Variants in APP observed in about 807,000 individuals in gnomAD.
APP encodes the protein amyloid beta precursor protein, also known as amyloid-beta precursor protein.
In APP, 31 loss-of-function variants were observed where a neutral mutation model predicts 101.4. The observed-to-expected ratio is 0.31, with a 90% CI of 0.23 to 0.41. The LOEUF is 0.41. Among genes scored for constraint, APP ranks in the 10% least tolerant of loss-of-function variants. The pLI is 1.00. For missense variants in APP, 839 were observed against 1,003.7 expected (o/e 0.84, Z 2.22); for synonymous variants, 366 against 364.4 (o/e 1.00, Z -0.05).
intron 13 of APP, among the ~76,000 whole-genome samples, chr21:25,952,536 T>TA (rs2041135153): frequency 6.6e-6 from 1 of 152,234 alleles, no homozygotes; most frequent in Non-Finnish European, 1.5e-5. Flanking sequence ...GAAGTGTGAC[T>TA]AATTAGTGGC....
chr21:26,076,083 G>A (rs989438667), intron 3 of APP, among the ~76,000 whole-genome samples: 10 of 151,970 alleles, frequency 6.6e-5, no homozygotes, highest in African/African-American at 1.5e-4. Flanking sequence ...TAGTAGAGAC[G>A]GGGTTTCACT....
chr21:26,050,827 A>C (rs764659470), intron 5 of APP, among the ~76,000 whole-genome samples, 173 bp downstream of exon 5: 3 of 152,200 alleles, frequency 2.0e-5, no homozygotes, highest in Non-Finnish European at 4.4e-5. Flanking sequence ...GATATTATTA[A>C]TTCAACAGGA....
At chr21:26,138,193 G>T (rs907787792) in intron 1 of APP, among the ~76,000 whole-genome samples, 11 of 152,120 alleles carry the variant, frequency 7.2e-5, no homozygotes, top group African/African-American at 2.2e-4. Flanking sequence ...ATTTTAAAAT[G>T]CTTCAGAAAA....
chr21:26,074,300 C>T (rs1301349157), intron 3 of APP, among the ~76,000 whole-genome samples: 1 of 152,104 alleles, frequency 6.6e-6, no homozygotes, highest in East Asian at 1.9e-4. Context: ...ACTGAAACGC[C>T]ACATTCATGT....
In APP at chr21:26,102,213, C is replaced by CA. The variant is rs545510347; in HGVS notation, c.225+9765dup. Among the ~76,000 whole-genome samples, 177 of 151,464 alleles carry CA rather than the reference C, an allele frequency of 1.2e-3. 1 individual carries two copies. Among genetic ancestry groups the CA allele is most frequent in the African/African-American group, 4.0e-3 (166 of 41,282 alleles). ...ACGCCATTCTCCTGCCTCAGCCTCC[C>CA]AAGTAGCTGGGACTACAGGTGCCCA... On this transcript the variant is annotated intron_variant, in intron 2 of 17. Transcript: ENST00000346798.
At chr21:25,917,415 TTG>T (rs1193686529) in intron 13 of APP, among the ~76,000 whole-genome samples, 1 of 152,160 alleles carries the variant, frequency 6.6e-6, no homozygotes, top group African/African-American at 2.4e-5. Flanking sequence ...GCTAAATATT[TTG>T]TTTTTTCTTA....
chr21:26,118,630 G>A (rs920040126), intron 1 of APP, among the ~76,000 whole-genome samples: 3 of 152,076 alleles, frequency 2.0e-5, no homozygotes, highest in African/African-American at 7.2e-5. Flanking sequence ...TCGGCTCACC[G>A]CAACCTCTGC....
chr21:25,927,760 A>G (rs1199593967), intron 13 of APP, among the ~76,000 whole-genome samples: 1 of 152,202 alleles, frequency 6.6e-6, no homozygotes, highest in African/African-American at 2.4e-5. Flanking sequence ...TTTTCCTGAA[A>G]TATCACTTGT....
At chr21:26,062,786 A>C (rs761045300) in intron 3 of APP, among the ~76,000 whole-genome samples, 1 of 152,024 alleles carries the variant, frequency 6.6e-6, no homozygotes, top group Non-Finnish European at 1.5e-5. Context: ...TTTTTAAGAA[A>C]GAGTCTTACT....
chr21:26,129,566 C>G (rs1348506734), intron 1 of APP, among the ~76,000 whole-genome samples: 2 of 151,962 alleles, frequency 1.3e-5, no homozygotes, highest in South Asian at 4.1e-4. Context: ...TTTCACTTAG[C>G]GATATAAACG....
chr21:25,953,273 C>T (rs552466203), intron 13 of APP, among the ~76,000 whole-genome samples: 11 of 152,276 alleles, frequency 7.2e-5, no homozygotes, highest in African/African-American at 1.2e-4. Flanking sequence ...TTTCAGATTC[C>T]GTCCATTAAT....
intron 1 of APP, among the ~76,000 whole-genome samples, chr21:26,169,666 A>T (rs968925724): frequency 1.3e-5 from 2 of 152,230 alleles, no homozygotes; most frequent in Non-Finnish European, 2.9e-5. Context: ...GCGGACGCGC[A>T]GCCCCGGGAA....
At chr21:25,969,949 AGAAG>A (rs1162957485) in intron 11 of APP, among the ~76,000 whole-genome samples, 2,442 of 38,314 alleles carry the variant, frequency 0.064, 90 homozygotes, top group African/African-American at 0.22. Context: ...AAGGAAGGGA[AGAAG>A]GAAGGAGGGA....
intron 8 of APP, among the ~76,000 whole-genome samples, chr21:25,994,053 A>C (rs766692420): frequency 1.1e-4 from 16 of 152,204 alleles, no homozygotes; most frequent in Non-Finnish European, 1.8e-4. Flanking sequence ...AATTGGCATG[A>C]TGCTCTTTGA....
chr21:25,885,402 C>A (rs1414193111), intron 17 of APP, among the ~76,000 whole-genome samples: 1 of 152,144 alleles, frequency 6.6e-6, no homozygotes, highest in Non-Finnish European at 1.5e-5. Context: ...TAAAGCAGAG[C>A]CAGGGAGGGT....
intron 14 of APP, among the ~76,000 whole-genome samples, chr21:25,906,537 C>T (rs979914013): frequency 6.6e-6 from 1 of 152,234 alleles, no homozygotes; most frequent in African/African-American, 2.4e-5. Flanking sequence ...TTAAATATTC[C>T]ATAGTAACTA....
Position 26,028,334 on chromosome 21 carries a change from T to TATG in APP, c.663-6295_663-6293dup, listed in dbSNP as rs545573833. Among the ~76,000 whole-genome samples, 573 of 152,300 alleles carry TATG rather than the reference T, an allele frequency of 3.8e-3. 3 individuals are homozygous for TATG. The highest frequency in any genetic ancestry group is 0.013 in the African/African-American group (535 of 41,556). ...GTGAGACAATTCACACTAACTGCTG[T>TATG]ATGAGTAACAGACATACTGCAGATT... On this transcript the variant is annotated intron_variant, in intron 5 of 17. Coordinates refer to ENST00000346798, the MANE Select transcript of APP (RefSeq NM_000484.4).
chr21:26,015,838 G>T (rs1233261010), intron 6 of APP, among the ~76,000 whole-genome samples: 3 of 152,144 alleles, frequency 2.0e-5, no homozygotes, highest in Non-Finnish European at 4.4e-5. Context: ...TTTCAGTTTT[G>T]CAGGCAACAC....
At chr21:26,026,693 G>A (rs1365260317) in intron 5 of APP, among the ~76,000 whole-genome samples, 1 of 152,212 alleles carries the variant, frequency 6.6e-6, no homozygotes, top group Non-Finnish European at 1.5e-5. Context: ...AAAGGTTAAA[G>A]GCAAGAGAGG....
Sources: gnomAD v4.1 joint callset for allele counts (sites outside exome capture counted in the v4.1 genomes callset) on GRCh38, gnomAD v4.1.1 for gene constraint, MANE v1.5 for transcripts, NCBI Gene and HGNC (gene_info 2026-07-23, HGNC 2026-07-21) for gene names.